SGK3: variants seen among roughly 807,000 people sequenced by gnomAD.
The protein encoded by SGK3 is serine/threonine-protein kinase Sgk3.
In SGK3, 47 loss-of-function variants were observed where a neutral mutation model predicts 68.5. The observed-to-expected ratio is 0.69, with a 90% CI of 0.54 to 0.87. The LOEUF (loss-of-function observed/expected upper bound fraction) is 0.87, where lower values mean the gene tolerates loss of function less well. SGK3 is among the 40% of genes least tolerant of loss of function. The probability of loss-of-function intolerance (pLI) is 0.00; values close to 1 mark genes in which losing one functional copy is unlikely to be tolerated. For missense variants in SGK3, 479 were observed against 575.5 expected (o/e 0.83, Z 1.72); for synonymous variants, 181 against 189.1 (o/e 0.96, Z 0.35).
intron 1 of SGK3, among the ~76,000 whole-genome samples, chr8:66,783,757 C>T (rs781759651): frequency 6.6e-6 from 1 of 152,120 alleles, no homozygotes; most frequent in Non-Finnish European, 1.5e-5. Flanking sequence ...AACTCTTGGA[C>T]TCAAGCAGTC....
chr8:66,755,269 A>C lies in SGK3; in HGVS notation c.-121-38347A>C, dbSNP rs533756848. Among the ~76,000 whole-genome samples, 48 of 152,068 alleles carry C rather than the reference A, an allele frequency of 3.2e-4. No individual in the cohort carries two copies. In the East Asian group the frequency reaches 8.3e-3, roughly 26 times the overall value. On this transcript the variant is annotated intron_variant, in intron 1 of 16. Coordinates refer to ENST00000521198, the MANE Select transcript of SGK3 (RefSeq NM_001033578.3). ...GTGAGACTCCATCTCAAAAAAAAAA[A>C]AAAACGAAAAACAGCAACAACAAAT...
chr8:66,763,226 T>C (rs1485002228), intron 1 of SGK3, among the ~76,000 whole-genome samples: 1 of 152,254 alleles, frequency 6.6e-6, no homozygotes, highest in Non-Finnish European at 1.5e-5. Context: ...ATGAGTTAGT[T>C]CCTTATGGTT....
rs529741200 is a variant in SGK3, at chr8:66,734,228, C to CTT, written c.-122+21415_-122+21416dup. On this transcript the variant is annotated intron_variant, in intron 1 of 16. Transcript: ENST00000521198. Reference sequence around the variant, plus strand: ...TTAATGCTTTTTTTTCTTTTTCTTTCTTTTTTTTTTTTTTTTTTTTTACCA... The same window carrying CTT: ...TTAATGCTTTTTTTTCTTTTTCTTTCTTTTTTTTTTTTTTTTTTTTTTTACCA... Among the ~76,000 whole-genome samples, 45 of 104,198 alleles carry CTT rather than the reference C, an allele frequency of 4.3e-4. 1 individual carries two copies. The highest frequency in any genetic ancestry group is 1.3e-3 in the South Asian group (4 of 3,042). 68.4% of individuals were successfully genotyped at this position (104,198 alleles called of 152,430 possible). A position where few individuals can be genotyped will look rare whatever the true frequency, so the allele number is the denominator to read the frequency against.
In SGK3 at chr8:66,832,738, C is replaced by CA. The variant is rs745937597; in HGVS notation, c.525+1440dup. ...TGGGCAACATAGCAAGACCCCATCT[C>CA]AAAAAAAAAAAAAGTCATTATCTTT... On this transcript the variant is annotated intron_variant, in intron 8 of 16. Transcript: ENST00000521198. 6.6e-3 allele frequency among the ~76,000 whole-genome samples: 909 copies of CA among 137,186 alleles called. 9 individuals are homozygous for CA. The highest frequency in any genetic ancestry group is 0.016 in the African/African-American group (607 of 37,094). The allele number at this position is 137,186 out of a possible 152,430, so 90.0% of individuals were successfully genotyped here.
At chr8:66,851,729 A>G (rs544091314) in intron 16 of SGK3, among the ~76,000 whole-genome samples, 2 of 152,322 alleles carry the variant, frequency 1.3e-5, no homozygotes, top group African/African-American at 2.4e-5. Flanking sequence ...TGAGCTTTAT[A>G]CTATTAACAG....
chr8:66,837,650 G>A (rs1809591998), intron 10 of SGK3, among the ~76,000 whole-genome samples: 1 of 152,142 alleles, frequency 6.6e-6, no homozygotes, highest in South Asian at 2.1e-4. Context: ...TGGGCATGGT[G>A]ACATGCCTCC....
chr8:66,749,447 G>A (rs1195856493), intron 1 of SGK3, among the ~76,000 whole-genome samples: 1 of 152,070 alleles, frequency 6.6e-6, no homozygotes, highest in East Asian at 1.9e-4. Context: ...TCAGTTTCCT[G>A]TTCTCTTGAT....
At chr8:66,744,161 T>A (rs1805560661) in intron 1 of SGK3, among the ~76,000 whole-genome samples, 2 of 152,136 alleles carry the variant, frequency 1.3e-5, no homozygotes, top group Non-Finnish European at 2.9e-5. Flanking sequence ...TAGTCTCCCT[T>A]CACAATTGAC....
At chr8:66,778,601 CTG>C (rs1323116472) in intron 1 of SGK3, among the ~76,000 whole-genome samples, 1 of 152,234 alleles carries the variant, frequency 6.6e-6, no homozygotes, top group Non-Finnish European at 1.5e-5. Flanking sequence ...AGCCACTTAA[CTG>C]TTTTTTAAAC....
intron 1 of SGK3, among the ~76,000 whole-genome samples, chr8:66,763,448 A>G (rs917820186): frequency 1.3e-5 from 2 of 152,158 alleles, no homozygotes; most frequent in African/African-American, 4.8e-5. Context: ...TTCCAGGCTC[A>G]TCTTGTACAT....
intron 1 of SGK3, among the ~76,000 whole-genome samples, chr8:66,778,849 G>A (rs1806834671): frequency 6.6e-6 from 1 of 152,164 alleles, no homozygotes; most frequent in Non-Finnish European, 1.5e-5. Context: ...AAAGTACGCA[G>A]TAAATTCAGG....
At chr8:66,741,228 G>A (rs1805469308) in intron 1 of SGK3, among the ~76,000 whole-genome samples, 1 of 152,074 alleles carries the variant, frequency 6.6e-6, no homozygotes, top group Non-Finnish European at 1.5e-5. Context: ...TCAAGTCTAA[G>A]CTTTAGTCTC....
chr8:66,833,003 A>AT (rs796444821), intron 8 of SGK3, among the ~76,000 whole-genome samples: 373 of 143,834 alleles, frequency 2.6e-3, no homozygotes, highest in African/African-American at 6.4e-3. Context: ...TGTTTTTAGA[A>AT]TTTTTTTTTT....
rs111836101 is a variant in SGK3, at chr8:66,725,376, T to G, written c.-122+12543T>G. On this transcript the variant is annotated intron_variant, in intron 1 of 16. Coordinates refer to ENST00000521198, the MANE Select transcript of SGK3 (RefSeq NM_001033578.3). ...GAGATGGTGCCACTGCACCCTAGCC[T>G]TGGGTGACAGAGTAAGAGTGTCTCA... Among the ~76,000 whole-genome samples, 796 of 151,876 alleles carry G rather than the reference T, an allele frequency of 5.2e-3. 7 individuals carry two copies. Among genetic ancestry groups the G allele is most frequent in the African/African-American group, 0.018 (728 of 41,306 alleles).
At chr8:66,731,260 T>G in intron 1 of SGK3, among the ~76,000 whole-genome samples, 1 of 152,202 alleles carries the variant, frequency 6.6e-6, no homozygotes. Context: ...TCTGCTGCTT[T>G]AGGTGGAATG....
chr8:66,857,211 T>C (rs1016533248), intron 16 of SGK3, among the ~76,000 whole-genome samples: 1 of 152,184 alleles, frequency 6.6e-6, no homozygotes, highest in African/African-American at 2.4e-5. Context: ...TACATACATA[T>C]AAAACTTCTA....
intron 8 of SGK3, 61 bp downstream of exon 8, chr8:66,831,372 G>A: frequency 6.3e-7 from 1 of 1,585,548 alleles, no homozygotes; most frequent in East Asian, 2.2e-5. Context: ...TTGGAGACAG[G>A]GTCTCACTCT....
intron 5 of SGK3, among the ~76,000 whole-genome samples, chr8:66,819,429 C>T (rs1474470922): frequency 6.6e-6 from 1 of 152,156 alleles, no homozygotes; most frequent in Admixed American, 6.5e-5. Flanking sequence ...AGATTGTCAA[C>T]TGCAGCATTG....
intron 1 of SGK3, among the ~76,000 whole-genome samples, chr8:66,714,734 C>A (rs1357976929): frequency 6.6e-6 from 1 of 152,162 alleles, no homozygotes; most frequent in African/African-American, 2.4e-5. Flanking sequence ...CAGACATACT[C>A]CTTTACCTTT....
Sources: gnomAD v4.1 joint callset for allele counts (sites outside exome capture counted in the v4.1 genomes callset) on GRCh38, gnomAD v4.1.1 for gene constraint, MANE v1.5 for transcripts, NCBI Gene and HGNC (gene_info 2026-07-23, HGNC 2026-07-21) for gene names.